UNC13C: variants seen among roughly 807,000 people sequenced by gnomAD.
The protein encoded by UNC13C is unc-13 homolog C, also known as protein unc-13 homolog C.
Under a neutral mutation model 245.4 loss-of-function variants are expected in UNC13C, and 174 were observed. That is an observed-to-expected ratio of 0.71 (90% confidence interval 0.63 to 0.80). The LOEUF (loss-of-function observed/expected upper bound fraction) is 0.80, where lower values mean the gene tolerates loss of function less well. Among genes scored for constraint, UNC13C ranks in the 30% least tolerant of loss-of-function variants. The pLI, the probability that UNC13C is intolerant of heterozygous loss-of-function variation, is 0.00. For missense variants in UNC13C, 2,829 were observed against 2,602.9 expected, an observed-to-expected ratio of 1.09 and a Z score of -1.89; for synonymous variants, 992 against 895.1, an observed-to-expected ratio of 1.11 and a Z score of -1.93.
At chr15:54,369,992 A>G (rs2039453568) in intron 17 of UNC13C, among the ~76,000 whole-genome samples, 1 of 152,152 alleles carries the variant, frequency 6.6e-6, no homozygotes, top group Admixed American at 6.6e-5. Context: ...AATAGGCCAC[A>G]CTGGTTTCTT....
chr15:54,610,289 A>G (rs1259042731), intron 30 of UNC13C, among the ~76,000 whole-genome samples: 2 of 152,004 alleles, frequency 1.3e-5, no homozygotes, highest in Non-Finnish European at 2.9e-5. Context: ...AGGCAGGAGC[A>G]CAGTGGCGCG....
At chr15:54,561,126 C>T (rs1265492022) in intron 29 of UNC13C, among the ~76,000 whole-genome samples, 1 of 151,960 alleles carries the variant, frequency 6.6e-6, no homozygotes, top group African/African-American at 2.4e-5. Context: ...TGTTCTCTGG[C>T]CTTTTGGATT....
intron 16 of UNC13C, among the ~76,000 whole-genome samples, chr15:54,334,208 ACT>A (rs1320894270): frequency 6.6e-6 from 1 of 152,096 alleles, no homozygotes; most frequent in African/African-American, 2.4e-5. Flanking sequence ...TGTTTTGCCG[ACT>A]TTTTTGCTAC....
At chr15:54,158,976 T>G (rs2032864978) in intron 4 of UNC13C, among the ~76,000 whole-genome samples, 1 of 152,184 alleles carries the variant, frequency 6.6e-6, no homozygotes, top group South Asian at 2.1e-4. Context: ...TCTCCTCAGC[T>G]GAGACCAGCC....
chr15:54,590,516 A>G (rs930139180), intron 30 of UNC13C, among the ~76,000 whole-genome samples: 7 of 152,040 alleles, frequency 4.6e-5, no homozygotes, highest in African/African-American at 7.2e-5. Flanking sequence ...TTTGTTAGGT[A>G]TATTCCTAAG....
intron 4 of UNC13C, among the ~76,000 whole-genome samples, chr15:54,184,644 C>G (rs921745022): frequency 8.5e-5 from 13 of 152,308 alleles, no homozygotes; most frequent in African/African-American, 3.1e-4. Context: ...ATATGTGCCA[C>G]ATTTTCTTAA....
intron 30 of UNC13C, among the ~76,000 whole-genome samples, chr15:54,607,449 G>T (rs1240154692): frequency 2.0e-5 from 3 of 152,164 alleles, no homozygotes; most frequent in Non-Finnish European, 2.9e-5. Flanking sequence ...GAGTTCCTCA[G>T]CACAGTTTGA....
chr15:54,496,848 A>C (rs1184440599), intron 20 of UNC13C, among the ~76,000 whole-genome samples: 1 of 152,022 alleles, frequency 6.6e-6, no homozygotes, highest in Admixed American at 6.6e-5. Context: ...AGGATAAAAG[A>C]CTACACATTG....
intron 17 of UNC13C, among the ~76,000 whole-genome samples, chr15:54,375,067 G>A (rs903229006): frequency 1.3e-5 from 2 of 152,204 alleles, no homozygotes; most frequent in Admixed American, 1.3e-4. Context: ...AAACAGTCCT[G>A]TATATGTCTT....
chr15:54,586,994 TC>T (rs1011744615), intron 30 of UNC13C, among the ~76,000 whole-genome samples: 22 of 152,292 alleles, frequency 1.4e-4, no homozygotes, highest in African/African-American at 5.3e-4. Context: ...ATTCATTTAT[TC>T]ATATACTCAA....
intron 28 of UNC13C, among the ~76,000 whole-genome samples, chr15:54,551,116 T>C (rs2141184166): frequency 6.6e-6 from 1 of 152,246 alleles, no homozygotes; most frequent in South Asian, 2.1e-4. Context: ...CTGTTACTGC[T>C]TGATTAGGGA....
chr15:54,553,209 T>C (rs1272165193), intron 28 of UNC13C, among the ~76,000 whole-genome samples: 42 of 115,650 alleles, frequency 3.6e-4, no homozygotes, highest in Non-Finnish European at 6.5e-4. Flanking sequence ...TATTCTATAT[T>C]ACAATATATA....
At chr15:53,869,865 A>G in the UNC13C span, among the ~76,000 whole-genome samples, 2 of 152,250 alleles carry the variant, frequency 1.3e-5, no homozygotes, top group East Asian at 3.9e-4. Flanking sequence ...GCAGTTGATC[A>G]AAGGTTGGTC....
chr15:54,564,595 T>A (rs985085400), intron 29 of UNC13C, among the ~76,000 whole-genome samples: 7 of 152,202 alleles, frequency 4.6e-5, no homozygotes, highest in Middle Eastern at 3.4e-3. Context: ...ATCTCAATTA[T>A]ATGAAGTTCA....
intron 19 of UNC13C, among the ~76,000 whole-genome samples, chr15:54,486,184 C>T (rs939053561): frequency 6.6e-6 from 1 of 150,952 alleles, no homozygotes; most frequent in African/African-American, 2.4e-5. Context: ...CTGAGGTGGC[C>T]GCATCACTTG....
chr15:54,116,810 A>G (rs992257919), intron 2 of UNC13C, among the ~76,000 whole-genome samples: 2 of 152,102 alleles, frequency 1.3e-5, no homozygotes, highest in African/African-American at 4.8e-5. Flanking sequence ...GGAATTGCTG[A>G]ACCATATGGT....
At chr15:54,483,197 T>G (rs891626082) in intron 19 of UNC13C, among the ~76,000 whole-genome samples, 2 of 152,244 alleles carry the variant, frequency 1.3e-5, no homozygotes, top group African/African-American at 2.4e-5. Flanking sequence ...TTGCATGCTT[T>G]TAAATTAAAT....
chr15:54,448,611 G>T (rs1349432399), intron 19 of UNC13C, among the ~76,000 whole-genome samples: 15 of 151,426 alleles, frequency 9.9e-5, no homozygotes, highest in Non-Finnish European at 2.1e-4. Context: ...GCCTTTTTTT[G>T]TTCTCCATTT....
At chr15:54,214,518 T>C (rs1168954064) in intron 4 of UNC13C, among the ~76,000 whole-genome samples, 1 of 151,958 alleles carries the variant, frequency 6.6e-6, no homozygotes, top group Non-Finnish European at 1.5e-5. Flanking sequence ...ATAGTGTTAG[T>C]AGTCTCTGCT....
Sources: allele counts gnomAD v4.1 joint callset (sites outside exome capture counted in the v4.1 genomes callset), GRCh38; gene constraint gnomAD v4.1.1; transcripts MANE v1.5; gene names NCBI Gene and HGNC (gene_info 2026-07-23, HGNC 2026-07-21).